TRPS1: variants seen among roughly 807,000 people sequenced by gnomAD.
The protein encoded by TRPS1 is transcriptional repressor GATA binding 1.
TRPS1 carries 6 observed loss-of-function variants against 101.2 expected under a neutral mutation model. The observed-to-expected ratio is 0.06, with a 90% CI of 0.03 to 0.12. The LOEUF is 0.12. TRPS1 is among the 10% of genes least tolerant of loss of function. TRPS1 has a pLI of 1.00. For missense variants in TRPS1, 1,363 were observed against 1,567.0 expected (o/e 0.87, Z 2.20); for synonymous variants, 578 against 589.8 (o/e 0.98, Z 0.29).
chr8:115,641,551 C>A (rs1365930986), intron 1 of TRPS1, among the ~76,000 whole-genome samples: 8 of 152,138 alleles, frequency 5.3e-5, no homozygotes, highest in African/African-American at 1.9e-4. Flanking sequence ...TATCAAATTA[C>A]CAGCCTATAG....
chr8:115,656,829 T>C (rs1430993121), intron 1 of TRPS1, among the ~76,000 whole-genome samples: 1 of 152,102 alleles, frequency 6.6e-6, no homozygotes, highest in Admixed American at 6.6e-5. Context: ...GCAAAATTCA[T>C]TTGCATTTTA....
intron 5 of TRPS1, among the ~76,000 whole-genome samples, chr8:115,585,686 C>T (rs1033232506): frequency 6.6e-6 from 1 of 152,118 alleles, no homozygotes; most frequent in African/African-American, 2.4e-5. Flanking sequence ...CTAAATTGAA[C>T]CCCCTCTTGA....
intron 6 of TRPS1, among the ~76,000 whole-genome samples, chr8:115,417,601 G>A (rs1812953121): frequency 6.6e-6 from 1 of 152,118 alleles, no homozygotes; most frequent in African/African-American, 2.4e-5. Context: ...TATTCAGATG[G>A]AGGATTTGTG....
At chr8:115,426,592 C>T (rs973022687) in intron 5 of TRPS1, among the ~76,000 whole-genome samples, 3 of 152,158 alleles carry the variant, frequency 2.0e-5, no homozygotes, top group African/African-American at 7.2e-5. Flanking sequence ...TTGCCACCCT[C>T]GAGGCAGCTA....
chr8:115,501,193 A>G (rs1259296615), intron 5 of TRPS1, among the ~76,000 whole-genome samples: 1 of 152,136 alleles, frequency 6.6e-6, no homozygotes, highest in Non-Finnish European at 1.5e-5. Flanking sequence ...CTTCCTTCTC[A>G]TTCTACATTC....
At chr8:115,571,921 A>G (rs1435764908) in intron 5 of TRPS1, among the ~76,000 whole-genome samples, 1 of 151,964 alleles carries the variant, frequency 6.6e-6, no homozygotes, top group Non-Finnish European at 1.5e-5. Context: ...TTTTTTATTT[A>G]TATCTGAATA....
At chr8:115,608,916 G>A (rs940659963) in intron 3 of TRPS1, among the ~76,000 whole-genome samples, 1 of 147,204 alleles carries the variant, frequency 6.8e-6, no homozygotes, top group African/African-American at 2.7e-5. Context: ...CACGATCTCC[G>A]CTCACTGTCA....
intron 5 of TRPS1, among the ~76,000 whole-genome samples, chr8:115,539,007 C>T (rs1296030556): frequency 6.6e-6 from 1 of 152,158 alleles, no homozygotes; most frequent in Non-Finnish European, 1.5e-5. Flanking sequence ...GATGTGCACG[C>T]AGTAAGTCCA....
At chr8:115,549,850 T>C (rs1315572521) in intron 5 of TRPS1, among the ~76,000 whole-genome samples, 1 of 152,174 alleles carries the variant, frequency 6.6e-6, no homozygotes, top group African/African-American at 2.4e-5. Context: ...AATGCTGTCC[T>C]AGTAACCCTG....
At chr8:115,504,876 G>A (rs1815403639) in intron 5 of TRPS1, among the ~76,000 whole-genome samples, 4 of 152,104 alleles carry the variant, frequency 2.6e-5, no homozygotes, top group Admixed American at 2.0e-4. Context: ...TTAGGTGTAA[G>A]AAAATATCTG....
intron 5 of TRPS1, among the ~76,000 whole-genome samples, chr8:115,573,302 A>G (rs1002445616): frequency 7.2e-5 from 11 of 152,168 alleles, no homozygotes; most frequent in South Asian, 2.1e-4. Flanking sequence ...GCATCTATAT[A>G]AAGGGGTTAT....
chr8:115,621,000 T>C (rs1411022086), intron 2 of TRPS1, among the ~76,000 whole-genome samples: 2 of 152,222 alleles, frequency 1.3e-5, no homozygotes, highest in African/African-American at 4.8e-5. Context: ...TTGCTATGGT[T>C]CACCTTTACA....
intron 5 of TRPS1, among the ~76,000 whole-genome samples, chr8:115,476,089 G>A (rs1302185281): frequency 5.6e-5 from 1 of 17,886 alleles, no homozygotes; most frequent in Non-Finnish European, 7.4e-5. Flanking sequence ...CGGGATCTCG[G>A]CTCACTGCAA....
chr8:115,538,346 T>C (rs1363868622), intron 5 of TRPS1, among the ~76,000 whole-genome samples: 3 of 152,198 alleles, frequency 2.0e-5, no homozygotes, highest in East Asian at 3.9e-4. Flanking sequence ...TATTATTGCA[T>C]AGTTAAGTAT....
At chr8:115,559,154 C>T (rs1384352765) in intron 5 of TRPS1, among the ~76,000 whole-genome samples, 1 of 151,974 alleles carries the variant, frequency 6.6e-6, no homozygotes, top group African/African-American at 2.4e-5. Flanking sequence ...TTATGAAATC[C>T]TATGAAGATG....
intron 1 of TRPS1, among the ~76,000 whole-genome samples, chr8:115,633,690 C>T (rs1020725400): frequency 6.6e-6 from 1 of 152,100 alleles, no homozygotes; most frequent in African/African-American, 2.4e-5. Context: ...TAAAACAATA[C>T]TGTGGTTTTT....
chr8:115,456,312 A>C (rs1186947622), intron 5 of TRPS1, among the ~76,000 whole-genome samples: 1 of 152,070 alleles, frequency 6.6e-6, no homozygotes, highest in Non-Finnish European at 1.5e-5. Flanking sequence ...TATTTGCTTT[A>C]AATTCTCTGG....
intron 5 of TRPS1, among the ~76,000 whole-genome samples, chr8:115,553,706 G>A (rs1348736898): frequency 6.6e-6 from 1 of 151,998 alleles, no homozygotes; most frequent in African/African-American, 2.4e-5. Context: ...AGTTTTCTAG[G>A]CTAAGATACT....
intron 5 of TRPS1, among the ~76,000 whole-genome samples, chr8:115,531,160 T>G (rs1816121980): frequency 6.6e-6 from 1 of 152,186 alleles, no homozygotes; most frequent in Non-Finnish European, 1.5e-5. Flanking sequence ...GATTTGTTAA[T>G]TTTATGAATT....
Sources: gnomAD v4.1 joint callset for allele counts (sites outside exome capture counted in the v4.1 genomes callset) on GRCh38, gnomAD v4.1.1 for gene constraint, MANE v1.5 for transcripts, NCBI Gene and HGNC (gene_info 2026-07-23, HGNC 2026-07-21) for gene names.